The following DLG2 variants were observed in gnomAD, a reference collection of about 807,000 sequenced individuals.
DLG2 encodes the protein discs large MAGUK scaffold protein 2.
In DLG2, 45 loss-of-function variants were observed where a neutral mutation model predicts 132.5. The ratio of observed to expected loss-of-function variants is 0.34; its 90% CI spans 0.27 to 0.44. DLG2 has a LOEUF of 0.44. Ranked by LOEUF, DLG2 falls within the 20% of genes least tolerant of loss-of-function variation. The pLI is 1.00. For missense variants in DLG2, 1,045 were observed against 1,196.9 expected (o/e 0.87, Z 1.87); for synonymous variants, 424 against 419.6 (o/e 1.01, Z -0.13).
intron 3 of DLG2, among the ~76,000 whole-genome samples, chr11:85,435,961 GAC>G (rs2091457203): frequency 6.6e-6 from 1 of 151,902 alleles, no homozygotes; most frequent in Non-Finnish European, 1.5e-5. Context: ...TACCAAAACA[GAC>G]ACATAGACCA....
intron 7 of DLG2, among the ~76,000 whole-genome samples, chr11:84,475,889 G>A (rs1374575159): frequency 6.6e-6 from 1 of 151,964 alleles, no homozygotes; most frequent in Non-Finnish European, 1.5e-5. Flanking sequence ...CCTCCTAGGG[G>A]AGGTTATATT....
intron 3 of DLG2, among the ~76,000 whole-genome samples, chr11:85,408,716 G>C (rs1350535626): frequency 6.6e-6 from 1 of 151,542 alleles, no homozygotes; most frequent in Non-Finnish European, 1.5e-5. Flanking sequence ...TCCCTACAAA[G>C]GACATGAACT....
At chr11:84,840,039 C>T (rs1232435691) in intron 6 of DLG2, among the ~76,000 whole-genome samples, 3 of 151,886 alleles carry the variant, frequency 2.0e-5, no homozygotes, top group African/African-American at 7.2e-5. Flanking sequence ...AAACTACCAT[C>T]GAGTGAACAG....
intron 3 of DLG2, among the ~76,000 whole-genome samples, chr11:85,535,994 T>C (rs1478227085): frequency 6.6e-6 from 1 of 151,850 alleles, no homozygotes; most frequent in Non-Finnish European, 1.5e-5. Context: ...GGCAGGCAGA[T>C]GGCTTGAGCT....
intron 19 of DLG2, among the ~76,000 whole-genome samples, chr11:83,562,947 T>C (rs1475614061): frequency 1.3e-5 from 2 of 150,672 alleles, no homozygotes; most frequent in Non-Finnish European, 2.9e-5. Context: ...GTAATGTTTC[T>C]GTTTTTGTTT....
intron 15 of DLG2, among the ~76,000 whole-genome samples, chr11:83,887,233 TCAAA>T (rs1260543290): frequency 6.6e-6 from 1 of 151,074 alleles, no homozygotes; most frequent in Non-Finnish European, 1.5e-5. Flanking sequence ...GAGAGAAGAA[TCAAA>T]CAGACGCAAT....
chr11:85,272,347 GAAA>G (rs1228234128), intron 4 of DLG2, among the ~76,000 whole-genome samples: 1 of 152,130 alleles, frequency 6.6e-6, no homozygotes, highest in East Asian at 1.9e-4. Flanking sequence ...TCAGCAGTAT[GAAA>G]ATAGACTAAT....
intron 8 of DLG2, among the ~76,000 whole-genome samples, chr11:84,170,764 G>C (rs1449517576): frequency 6.6e-6 from 1 of 152,046 alleles, no homozygotes; most frequent in Non-Finnish European, 1.5e-5. Flanking sequence ...GGTAACCTTG[G>C]GCTTGTCATG....
At chr11:84,142,301 C>G (rs184984498) in intron 9 of DLG2, among the ~76,000 whole-genome samples, 2 of 114,470 alleles carry the variant, frequency 1.7e-5, no homozygotes, top group East Asian at 4.9e-4. Flanking sequence ...AGCCTGGAGA[C>G]AGAGTGAGAA....
At position 84,860,872 on chromosome 11, in the gene DLG2, G is replaced by C. The variant is rs75757935; in HGVS notation, c.357+250789C>G. ...GAACTGCAATAGCCATGAAAGGAAGGGGGGAGGGGTGATAAATAAATACTA... is the reference window on the plus strand; with the variant it reads ...GAACTGCAATAGCCATGAAAGGAAGCGGGGAGGGGTGATAAATAAATACTA... On this transcript the variant is annotated intron_variant, in intron 6 of 27. Transcript: ENST00000376104. Among the ~76,000 whole-genome samples, 764 of 151,788 alleles carry C rather than the reference G, an allele frequency of 5.0e-3. 6 individuals carry two copies. The highest frequency in any genetic ancestry group is 0.018 in the African/African-American group (735 of 41,394).
At chr11:84,234,311 C>G (rs771938652) in intron 8 of DLG2, among the ~76,000 whole-genome samples, 1 of 152,168 alleles carries the variant, frequency 6.6e-6, no homozygotes, top group African/African-American at 2.4e-5. Context: ...TTTTAATAAA[C>G]TTTCACTCCT....
chr11:83,841,707 T>G (rs574667896), intron 16 of DLG2, among the ~76,000 whole-genome samples: 5 of 152,246 alleles, frequency 3.3e-5, no homozygotes, highest in Non-Finnish European at 7.3e-5. Context: ...ATGGAATGTA[T>G]AGAAGACATA....
chr11:83,617,784 T>G (rs2061054727), intron 19 of DLG2, among the ~76,000 whole-genome samples: 1 of 152,080 alleles, frequency 6.6e-6, no homozygotes, highest in Non-Finnish European at 1.5e-5. Flanking sequence ...GGATCACTTG[T>G]GGCCAGGAGT....
chr11:84,865,721 A>C (rs2084449625), intron 6 of DLG2, among the ~76,000 whole-genome samples: 1 of 152,220 alleles, frequency 6.6e-6, no homozygotes, highest in Admixed American at 6.5e-5. Context: ...CCCGAAAACA[A>C]TCTTCAATGC....
chr11:84,889,637 A>AT (rs1201338281), intron 6 of DLG2, among the ~76,000 whole-genome samples: 2 of 152,160 alleles, frequency 1.3e-5, no homozygotes, highest in East Asian at 3.9e-4. Flanking sequence ...TGCTAATTTA[A>AT]TTTTTTAAAT....
intron 4 of DLG2, among the ~76,000 whole-genome samples, chr11:85,157,835 T>C (rs535898124): frequency 6.6e-6 from 1 of 152,086 alleles, no homozygotes; most frequent in South Asian, 2.1e-4. Flanking sequence ...GAACACTGAG[T>C]TTGTAAACTC....
At chr11:85,191,873 G>T (rs2080602876) in intron 4 of DLG2, among the ~76,000 whole-genome samples, 2 of 152,170 alleles carry the variant, frequency 1.3e-5, no homozygotes, top group South Asian at 4.1e-4. Flanking sequence ...AAGTTTGAGA[G>T]ATGGCTATTA....
At chr11:84,868,727 G>A (rs77388145) in intron 6 of DLG2, among the ~76,000 whole-genome samples, 3,016 of 152,270 alleles carry the variant, frequency 0.02, 55 homozygotes, top group Admixed American at 0.058. Flanking sequence ...TCACAGAAGA[G>A]ATCTGTAGCT....
chr11:84,974,540 A>C (rs117562867), intron 6 of DLG2, among the ~76,000 whole-genome samples: 2,992 of 152,318 alleles, frequency 0.02, 54 homozygotes, highest in Admixed American at 0.042. Flanking sequence ...GGCCTTCAGA[A>C]GTGTTAACTG....
Sources: allele counts gnomAD v4.1 joint callset (sites outside exome capture counted in the v4.1 genomes callset), GRCh38; gene constraint gnomAD v4.1.1; transcripts MANE v1.5; gene names NCBI Gene and HGNC (gene_info 2026-07-23, HGNC 2026-07-21).